PDE2A: variants seen among roughly 807,000 people sequenced by gnomAD.
The protein encoded by PDE2A is phosphodiesterase 2A, also known as cGMP-dependent 3',5'-cyclic phosphodiesterase.
A neutral mutation model predicts 133.6 loss-of-function variants in PDE2A; 53 were observed. That is an observed-to-expected ratio of 0.40 (90% CI 0.32 to 0.50). PDE2A has a LOEUF of 0.50. Ranked by LOEUF, PDE2A falls within the 20% of genes least tolerant of loss-of-function variation. PDE2A has a pLI of 0.73. For missense variants in PDE2A, 796 were observed against 1,232.4 expected (o/e 0.65, Z 5.30); for synonymous variants, 491 against 490.2 (o/e 1.00, Z -0.02).
At chr11:72,658,266 C>G (rs1854954204) in intron 1 of PDE2A, 1 of 381,276 alleles carries the variant, frequency 2.6e-6, no homozygotes, top group Admixed American at 3.1e-5. Flanking sequence ...CCTCCTCCTC[C>G]CACCCCAGGT....
At chr11:72,622,664 A>G (rs1420519462) in intron 2 of PDE2A, among the ~76,000 whole-genome samples, 1 of 152,196 alleles carries the variant, frequency 6.6e-6, no homozygotes. Context: ...AGAGACAGAA[A>G]GTAGAATGGT....
Position 72,577,252 on chromosome 11 carries a change from G to T in PDE2A, c.*132C>A. On this transcript the variant is annotated 3_prime_UTR_variant, in exon 31 of 31. Transcript: ENST00000334456. ...GAGAAAGCTGAGGCCCAGGAAGGTA[G>T]TACTTGTCCAGGGTCACACAGGAAG... 1 of 638,950 alleles carries T rather than the reference G, an allele frequency of 1.6e-6. No individual in the cohort carries two copies. The highest frequency in any genetic ancestry group is 2.7e-6 in the Non-Finnish European group (1 of 367,412). 39.6% of individuals were successfully genotyped at this position (638,950 alleles called of 1,614,324 possible).
In PDE2A at chr11:72,588,792, T is replaced by C. The variant is rs145110065; in HGVS notation, c.1062A>G (p.Glu354=). 1.2e-6 allele frequency: 2 copies of C among 1,601,176 alleles called. No individual in the cohort carries two copies. Among genetic ancestry groups the C allele is most frequent in the African/African-American group, 2.7e-5 (2 of 74,670 alleles). Residue 354 remains glutamate, a synonymous_variant, in exon 13 of 31, where the codon GAA becomes GAG. Coordinates refer to ENST00000334456, the MANE Select transcript of PDE2A (RefSeq NM_002599.5). ...VALACAFNKL[E]GDLFTDEDEH... Reference sequence around the variant, plus strand: ...ATCCCACAAAGACTCACAAGTCTCCTTCTAGCTTGTTGAAGGCGCAGGCCA... The same window carrying C: ...ATCCCACAAAGACTCACAAGTCTCCCTCTAGCTTGTTGAAGGCGCAGGCCA...
Position 72,585,356 on chromosome 11 carries a change from G to C in PDE2A, c.1286+15C>G, listed in dbSNP as rs200971568. The C allele has an allele frequency of 1.1e-4, 172 of 1,610,890 alleles. No homozygotes were observed. The highest frequency in any genetic ancestry group is 1.4e-4 in the Non-Finnish European group (160 of 1,177,386). On this transcript the variant is annotated intron_variant, in intron 16 of 30. Transcript: ENST00000334456. ...ACAGCCTCTCTCGCCCTGTCCCCTG[G>C]GTAGAGTCACTCACATCTCTGCGTT...
intron 2 of PDE2A, among the ~76,000 whole-genome samples, chr11:72,640,778 T>TC (rs1363883691): frequency 6.6e-6 from 1 of 151,784 alleles, no homozygotes; most frequent in Non-Finnish European, 1.5e-5. Context: ...ATGCAAGCTG[T>TC]CCCTACAACA....
chr11:72,642,719 C>A (rs1034133351), intron 1 of PDE2A, among the ~76,000 whole-genome samples: 1 of 151,976 alleles, frequency 6.6e-6, no homozygotes, highest in Non-Finnish European at 1.5e-5. Flanking sequence ...GCTCTCAGAG[C>A]CTCCACCCTG....
rs865867726 is a variant in PDE2A, at chr11:72,617,618, G to A, written c.145-8867C>T. On this transcript the variant is annotated intron_variant, in intron 2 of 30. Coordinates refer to ENST00000334456, the MANE Select transcript of PDE2A (RefSeq NM_002599.5). ...CTGTTCCCCAAACCCCAGGGGGAGG[G>A]GGAAAGTGGAAGTATGAGAAAGAGA... 4.6e-5 allele frequency among the ~76,000 whole-genome samples: 7 copies of A among 152,346 alleles called. No individual in the cohort carries two copies. The Middle Eastern group carries it at 0.01, about 222-fold the overall frequency.
intron 1 of PDE2A, among the ~76,000 whole-genome samples, chr11:72,650,128 T>G (rs1178066924): frequency 6.6e-6 from 1 of 151,506 alleles, no homozygotes; most frequent in Non-Finnish European, 1.5e-5. Flanking sequence ...TTCAAGCAAT[T>G]CTCCTGCCTC....
At chr11:72,668,142 C>A (rs949414965) in intron 1 of PDE2A, among the ~76,000 whole-genome samples, 6 of 152,244 alleles carry the variant, frequency 3.9e-5, no homozygotes, top group Non-Finnish European at 7.3e-5. Context: ...ATCAGCAGCT[C>A]TCTGCTCAGC....
Position 72,577,309 on chromosome 11 carries a change from G to T in PDE2A, c.*75C>A. 8.5e-7 allele frequency: 1 copy of T among 1,181,844 alleles called. No individual in the cohort carries two copies. 73.2% of individuals were successfully genotyped at this position (1,181,844 alleles called of 1,614,324 possible). A position where few individuals can be genotyped will look rare whatever the true frequency, so the allele number is the denominator to read the frequency against. Reference sequence around the variant, plus strand: ...TCTAGGACCCAGGACCCGTGGCTCTGTTCCCAGTGCATCTGGCCAGACCAG... The same window carrying T: ...TCTAGGACCCAGGACCCGTGGCTCTTTTCCCAGTGCATCTGGCCAGACCAG... On this transcript the variant is annotated 3_prime_UTR_variant, in exon 31 of 31. Transcript: ENST00000334456.
intron 2 of PDE2A, among the ~76,000 whole-genome samples, chr11:72,629,653 C>G (rs1591100092): frequency 1.3e-5 from 2 of 152,360 alleles, no homozygotes; most frequent in East Asian, 3.9e-4. Context: ...CAGCAGGGAA[C>G]CTGTGCTGAG....
At chr11:72,656,726 A>G (rs1044151284) in intron 1 of PDE2A, among the ~76,000 whole-genome samples, 4 of 151,972 alleles carry the variant, frequency 2.6e-5, no homozygotes, top group African/African-American at 9.7e-5. Flanking sequence ...CTGGCCAGCA[A>G]GTCTGGGGCA....
At chr11:72,619,672 C>T (rs1454605845) in intron 2 of PDE2A, among the ~76,000 whole-genome samples, 3 of 152,094 alleles carry the variant, frequency 2.0e-5, no homozygotes, top group African/African-American at 4.8e-5. Flanking sequence ...GCTGTGAATG[C>T]GCTGGTGGTT....
At chr11:72,579,173 G>A in intron 27 of PDE2A, 111 bp downstream of exon 27, 1 of 978,672 alleles carries the variant, frequency 1.0e-6, no homozygotes, top group Non-Finnish European at 1.6e-6. Flanking sequence ...TGCAGCCAGA[G>A]AAGGGTTGAT....
intron 12 of PDE2A, 44 bp downstream of exon 12, chr11:72,589,131 G>C: frequency 6.5e-7 from 1 of 1,536,614 alleles, no homozygotes; most frequent in Non-Finnish European, 9.0e-7. Flanking sequence ...GGCTGGCAGT[G>C]GGGTCTCCTC....
At chr11:72,592,415 G>A (rs1039553887) in intron 6 of PDE2A, among the ~76,000 whole-genome samples, 16 of 152,180 alleles carry the variant, frequency 1.1e-4, no homozygotes, top group East Asian at 5.8e-4. Flanking sequence ...GCAGGTTCTC[G>A]GGAAGCTCAC....
chr11:72,644,435 G>A (rs1859073527), intron 1 of PDE2A, among the ~76,000 whole-genome samples: 1 of 152,260 alleles, frequency 6.6e-6, no homozygotes, highest in Admixed American at 6.5e-5. Context: ...GATGACCCAT[G>A]TAAGGGCTGT....
At chr11:72,638,299 C>A (rs948465985) in intron 2 of PDE2A, among the ~76,000 whole-genome samples, 1 of 152,212 alleles carries the variant, frequency 6.6e-6, no homozygotes, top group Admixed American at 6.5e-5. Context: ...CGATGGACCC[C>A]AGTTTCCCTA....
rs76323707 is a variant in PDE2A at position 72,614,494 on chromosome 11, G to A, written c.145-5743C>T. Among the ~76,000 whole-genome samples the A allele has an allele frequency of 6.0e-3, 914 of 152,240 alleles. 10 individuals carry two copies. The highest frequency in any genetic ancestry group is 0.021 in the African/African-American group (866 of 41,542). On this transcript the variant is annotated intron_variant, in intron 2 of 30. Transcript: ENST00000334456. ...CTGTGGCTAGAGGTTTCCACCAGCCGTTCCCCAATTTTCATGTGCACCAGA... is the reference window on the plus strand; with the variant it reads ...CTGTGGCTAGAGGTTTCCACCAGCCATTCCCCAATTTTCATGTGCACCAGA...
Sources: allele counts gnomAD v4.1 joint callset (sites outside exome capture counted in the v4.1 genomes callset), GRCh38; gene constraint gnomAD v4.1.1; transcripts MANE v1.5; gene names NCBI Gene and HGNC (gene_info 2026-07-23, HGNC 2026-07-21).